Variants in AQR observed in about 807,000 individuals in gnomAD.
AQR encodes aquarius intron-binding spliceosomal factor, also known as RNA helicase aquarius.
A neutral mutation model predicts 180.5 loss-of-function variants in AQR; 61 were observed. The ratio of observed to expected loss-of-function variants is 0.34; its 90% CI spans 0.28 to 0.42. The LOEUF is 0.42. Ranked by LOEUF, AQR falls within the 10% of genes least tolerant of loss-of-function variation. The pLI is 1.00. For missense variants in AQR, 1,281 were observed against 1,798.3 expected (o/e 0.71, Z 5.20); for synonymous variants, 551 against 588.8 (o/e 0.94, Z 0.93).
At chr15:34,862,600 G>A (rs993727663) in intron 33 of AQR, among the ~76,000 whole-genome samples, 1 of 151,918 alleles carries the variant, frequency 6.6e-6, no homozygotes, top group Non-Finnish European at 1.5e-5. Flanking sequence ...GTCTCACTAT[G>A]TTGCCCAGGC....
intron 9 of AQR, among the ~76,000 whole-genome samples, chr15:34,937,013 C>T (rs12901457): frequency 0.62 from 93,889 of 151,940 alleles, 31,034 homozygotes; most frequent in South Asian, 0.75. Flanking sequence ...CATTAAGAGA[C>T]TTAAGATTAT....
At chr15:34,894,636 T>C (rs981981976) in intron 22 of AQR, among the ~76,000 whole-genome samples, 5 of 152,142 alleles carry the variant, frequency 3.3e-5, no homozygotes, top group Admixed American at 3.3e-4. Flanking sequence ...ATGTGTACAG[T>C]TGAAAGCAAA....
At chr15:34,879,748 T>G (rs1264877170) in intron 27 of AQR, among the ~76,000 whole-genome samples, 1 of 152,122 alleles carries the variant, frequency 6.6e-6, no homozygotes. Context: ...AAACGAAATG[T>G]CCCTTCTCTC....
chr15:34,866,135 G>A (rs1021836740), intron 32 of AQR, among the ~76,000 whole-genome samples: 1 of 152,084 alleles, frequency 6.6e-6, no homozygotes, highest in East Asian at 1.9e-4. Flanking sequence ...ATAGTTCCTT[G>A]CCTATATATA....
At chr15:34,876,236 T>A (rs1212832171) in intron 27 of AQR, among the ~76,000 whole-genome samples, 1 of 152,226 alleles carries the variant, frequency 6.6e-6, no homozygotes, top group Non-Finnish European at 1.5e-5. Context: ...GAAAGCCGCC[T>A]AAATATACAA....
In AQR at chr15:34,874,772, T is replaced by C. The variant is rs776557531; in HGVS notation, c.3330A>G (p.Gln1110=). The change falls in exon 29 of 35, where the codon CAA becomes CAG. Residue 1110 remains glutamine (Q), a synonymous_variant. Transcript: ENST00000156471. ...LPPVIKNMAF[Q]KYSNMEQSLF... ...GAGACTGCTCCATGTTTGAGTACTT[T>C]TGAAAGGCCATGTTCTTAATAACTG... 1.2e-6 allele frequency: 2 copies of C among 1,613,920 alleles called. No homozygotes were observed. The highest frequency in any genetic ancestry group is 8.5e-7 in the Non-Finnish European group (1 of 1,179,842).
At chr15:34,965,921 T>A (rs2050308028) in intron 1 of AQR, among the ~76,000 whole-genome samples, 1 of 152,238 alleles carries the variant, frequency 6.6e-6, no homozygotes, top group Non-Finnish European at 1.5e-5. Context: ...CTGCTTACTG[T>A]ACATCTGTAC....
chr15:34,964,426 T>C (rs887750375), intron 1 of AQR, 136 bp from the exon 2 acceptor site: 4 of 743,182 alleles, frequency 5.4e-6, no homozygotes, highest in Non-Finnish European at 9.7e-6. Context: ...CTGAAGGCAC[T>C]ACACAGGCAT....
At chr15:34,873,225 T>C (rs1892845841) in intron 30 of AQR, among the ~76,000 whole-genome samples, 1 of 152,134 alleles carries the variant, frequency 6.6e-6, no homozygotes, top group African/African-American at 2.4e-5. Flanking sequence ...CCAATTATTT[T>C]TTTAGGATAA....
intron 22 of AQR, among the ~76,000 whole-genome samples, chr15:34,896,566 G>A (rs983283975): frequency 3.3e-5 from 5 of 150,910 alleles, no homozygotes; most frequent in Non-Finnish European, 7.4e-5. Flanking sequence ...AAAAAGGTGT[G>A]GCTGAGTGCG....
rs368114219 is a variant in AQR at position 34,903,181 on chromosome 15, T to TA, written c.2001+1154dup. On this transcript the variant is annotated intron_variant, in intron 19 of 34. Transcript: ENST00000156471. Reference sequence around the variant, plus strand: ...CCATGTGAAAAGTCTTGGATTATTTTAAAAAACAGCAAAAAGGACAGTGTG... The same window carrying TA: ...CCATGTGAAAAGTCTTGGATTATTTTAAAAAAACAGCAAAAAGGACAGTGTG... Among the ~76,000 whole-genome samples, 316 of 152,188 alleles carry TA rather than the reference T, an allele frequency of 2.1e-3. 2 individuals are homozygous for TA. Among genetic ancestry groups the TA allele is most frequent in the African/African-American group, 7.5e-3 (310 of 41,546 alleles).
intron 33 of AQR, 129 bp from the exon 34 acceptor site, chr15:34,860,284 G>T: frequency 2.4e-6 from 1 of 412,352 alleles, no homozygotes; most frequent in Non-Finnish European, 4.3e-6. Context: ...ACAGTAAGAG[G>T]ACATAAAATG....
intron 13 of AQR, among the ~76,000 whole-genome samples, chr15:34,923,845 T>C (rs527312294): frequency 6.6e-6 from 1 of 152,356 alleles, no homozygotes; most frequent in Admixed American, 6.5e-5. Context: ...GTTTTGAAAT[T>C]AGTAGAAATC....
chr15:34,882,762 T>TGAATCATAATGAACA, intron 26 of AQR, 123 bp from the exon 27 acceptor site: 2 of 838,228 alleles, frequency 2.4e-6, no homozygotes, highest in Non-Finnish European at 3.4e-6. Flanking sequence ...CTAAGCCTAA[T>TGAATCATAATGAACA]GAATTATAAT....
intron 33 of AQR, 63 bp downstream of exon 33, chr15:34,862,804 T>C (rs1452246914): frequency 1.9e-6 from 3 of 1,559,970 alleles, no homozygotes; most frequent in Non-Finnish European, 2.6e-6. Context: ...TGGTCACCTA[T>C]AAGAAAATCC....
rs566479539 is a variant in AQR, at chr15:34,929,104, G to A, written c.1014+1154C>T. 3.3e-5 allele frequency among the ~76,000 whole-genome samples: 5 copies of A among 152,158 alleles called. No homozygotes were observed. The South Asian group carries it at 8.3e-4, about 25-fold the overall frequency. On this transcript the variant is annotated intron_variant, in intron 12 of 34. Transcript: ENST00000156471. ...TCTGGATATTAGACCTTTGTTAGAT[G>A]GGTAGATTGAAAAAATTTTCTCCCA...
At chr15:34,857,970 A>C (rs1892613362) in intron 34 of AQR, among the ~76,000 whole-genome samples, 1 of 152,048 alleles carries the variant, frequency 6.6e-6, no homozygotes, top group African/African-American at 2.4e-5. Flanking sequence ...AAATTGAATG[A>C]ATGAATTGAT....
At chr15:34,894,031 GTCAACAAAT>G (rs1265939818) in intron 22 of AQR, among the ~76,000 whole-genome samples, 2 of 152,076 alleles carry the variant, frequency 1.3e-5, no homozygotes, top group Non-Finnish European at 2.9e-5. Flanking sequence ...TAACACTCAT[GTCAACAAAT>G]TCTAAGACAG....
Position 34,948,317 on chromosome 15 carries a change from A to C in AQR, c.277T>G (p.Ser93Ala), listed in dbSNP as rs745612294. The C allele has an allele frequency of 1.2e-6, 2 of 1,613,722 alleles. No homozygotes were observed. Among genetic ancestry groups the C allele is most frequent in the Non-Finnish European group, 1.7e-6 (2 of 1,179,984 alleles). Reference protein sequence around the residue: ...PEVSSKAYLMSICCMVNEKFR... With the variant: ...PEVSSKAYLMAICCMVNEKFR... ...TTCTCATTCACCATACAGCAGATTG[A>C]CATTAAATAGGCCTTGCTAGATACC... The change falls in exon 5 of 35, where the codon TCA becomes GCA. Residue 93 changes from serine (S) to alanine (A), a missense_variant. Physicochemically the swap from Ser to Ala is moderately conservative, Grantham distance 99. Coordinates refer to ENST00000156471, the MANE Select transcript of AQR (RefSeq NM_014691.3).
Sources: allele counts gnomAD v4.1 joint callset (sites outside exome capture counted in the v4.1 genomes callset), GRCh38; gene constraint gnomAD v4.1.1; transcripts MANE v1.5; gene names NCBI Gene and HGNC (gene_info 2026-07-23, HGNC 2026-07-21).